Variants in MCC observed in about 807,000 individuals in gnomAD.
MCC encodes the protein MCC regulator of Wnt signaling pathway.
MCC carries 90 observed loss-of-function variants against 116.2 expected under a neutral mutation model. The ratio of observed to expected loss-of-function variants is 0.77; its 90% CI spans 0.65 to 0.92. The LOEUF (loss-of-function observed/expected upper bound fraction) is 0.92. MCC is among the 40% of genes least tolerant of loss of function. The pLI is 0.00. For synonymous variants in MCC, 578 were observed against 510.5 expected (o/e 1.13, Z -1.78); for missense variants, 1,516 against 1,312.2 (o/e 1.16, Z -2.40).
intron 3 of MCC, among the ~76,000 whole-genome samples, chr5:113,285,228 G>C (rs563319488): frequency 6.6e-6 from 1 of 152,102 alleles, no homozygotes; most frequent in Non-Finnish European, 1.5e-5. Flanking sequence ...GGCATCTGAC[G>C]ATGGATCACT....
At chr5:113,432,114 G>C (rs1053299570) in intron 1 of MCC, among the ~76,000 whole-genome samples, 1 of 151,366 alleles carries the variant, frequency 6.6e-6, no homozygotes, top group East Asian at 1.9e-4. Context: ...CCAGCCTGGA[G>C]ATAGAGCGAG....
intron 3 of MCC, among the ~76,000 whole-genome samples, chr5:113,271,508 G>C (rs998558986): frequency 6.6e-6 from 1 of 152,212 alleles, no homozygotes; most frequent in Non-Finnish European, 1.5e-5. Flanking sequence ...CTGATATCAA[G>C]ATCTGAAATA....
At chr5:113,231,931 A>C (rs1306804753) in intron 3 of MCC, among the ~76,000 whole-genome samples, 2 of 152,138 alleles carry the variant, frequency 1.3e-5, no homozygotes, top group Admixed American at 1.3e-4. Context: ...AGTTTTTACT[A>C]TATATCTGAC....
At chr5:113,180,284 T>A (rs1581211333) in intron 3 of MCC, among the ~76,000 whole-genome samples, 1 of 152,166 alleles carries the variant, frequency 6.6e-6, no homozygotes, top group East Asian at 1.9e-4. Context: ...TTCCAATTTA[T>A]AATAATAATC....
At chr5:113,155,062 G>T (rs1581169525) in intron 3 of MCC, among the ~76,000 whole-genome samples, 1 of 151,860 alleles carries the variant, frequency 6.6e-6, no homozygotes, top group Non-Finnish European at 1.5e-5. Flanking sequence ...CCCACCTCTG[G>T]TATCTATCAT....
At chr5:113,310,568 T>C (rs981827150) in intron 3 of MCC, among the ~76,000 whole-genome samples, 1 of 152,250 alleles carries the variant, frequency 6.6e-6, no homozygotes, top group Non-Finnish European at 1.5e-5. Flanking sequence ...ATTTTTTTCA[T>C]ATCTAAATTA....
At chr5:113,475,587 G>A (rs1050133165) in intron 1 of MCC, among the ~76,000 whole-genome samples, 3 of 152,156 alleles carry the variant, frequency 2.0e-5, no homozygotes, top group African/African-American at 7.2e-5. Flanking sequence ...CTAAGGAAAT[G>A]CCCTTTCTCT....
intron 3 of MCC, among the ~76,000 whole-genome samples, chr5:113,228,871 TGAA>T (rs1252418844): frequency 6.6e-6 from 1 of 152,072 alleles, no homozygotes; most frequent in South Asian, 2.1e-4. Flanking sequence ...CTGTGGGGTA[TGAA>T]GAAGAAGAAT....
At chr5:113,050,574 A>C (rs995002304) in intron 15 of MCC, among the ~76,000 whole-genome samples, 9 of 152,338 alleles carry the variant, frequency 5.9e-5, no homozygotes, top group East Asian at 3.9e-4. Flanking sequence ...CTTTACCCTA[A>C]ATATCAGACA....
chr5:113,309,720 C>A (rs919085364), intron 3 of MCC, among the ~76,000 whole-genome samples: 12 of 152,210 alleles, frequency 7.9e-5, no homozygotes, highest in African/African-American at 2.9e-4. Context: ...TATATAATGA[C>A]TTCTTTTTCT....
At chr5:113,209,266 C>T (rs1484869632) in intron 3 of MCC, among the ~76,000 whole-genome samples, 1 of 152,132 alleles carries the variant, frequency 6.6e-6, no homozygotes, top group Admixed American at 6.5e-5. Context: ...TTGTAAAAAC[C>T]AGACTTATTA....
At chr5:113,181,452 C>T (rs1761623836) in intron 3 of MCC, among the ~76,000 whole-genome samples, 1 of 152,116 alleles carries the variant, frequency 6.6e-6, no homozygotes, top group Non-Finnish European at 1.5e-5. Flanking sequence ...GTTATGAACT[C>T]CAAAGAGTTA....
intron 1 of MCC, among the ~76,000 whole-genome samples, chr5:113,386,595 C>T (rs1006024531): frequency 2.0e-5 from 3 of 152,058 alleles, no homozygotes; most frequent in African/African-American, 7.3e-5. Context: ...TAAAAGACTC[C>T]AAGACCTTTC....
At chr5:113,056,108 T>C (rs1752817485) in intron 14 of MCC, among the ~76,000 whole-genome samples, 1 of 152,208 alleles carries the variant, frequency 6.6e-6, no homozygotes, top group Non-Finnish European at 1.5e-5. Flanking sequence ...TGTCTCCATA[T>C]AGACCCACCT....
rs1491174512 is a variant in MCC at position 113,333,819 on chromosome 5, A to ATATATG, written c.627+6699_627+6700insCATATA. ...TATATATGTATATATGTATATATGTACATATATGTATATATGTATATATGT... is the reference window on the plus strand; with the variant it reads ...TATATATGTATATATGTATATATGTATATATGCATATATGTATATATGTATATATGT... On this transcript the variant is annotated intron_variant, in intron 3 of 18. Transcript: ENST00000408903. Among the ~76,000 whole-genome samples the ATATATG allele has an allele frequency of 2.5e-4, 27 of 106,014 alleles. 1 individual carries two copies. The highest frequency in any genetic ancestry group is 1.1e-3 in the African/African-American group (27 of 23,484). 69.5% of individuals were successfully genotyped at this position (106,014 alleles called of 152,430 possible).
At chr5:113,201,309 C>T (rs369170642) in intron 3 of MCC, among the ~76,000 whole-genome samples, 4 of 151,514 alleles carry the variant, frequency 2.6e-5, no homozygotes, top group African/African-American at 9.7e-5. Flanking sequence ...TTGCTTGAAC[C>T]CAGGAGGCAG....
At chr5:113,076,183 T>A (rs547097331) in intron 11 of MCC, among the ~76,000 whole-genome samples, 1 of 152,102 alleles carries the variant, frequency 6.6e-6, no homozygotes, top group Non-Finnish European at 1.5e-5. Flanking sequence ...CTACATCTGA[T>A]TGGTGGACCT....
intron 1 of MCC, among the ~76,000 whole-genome samples, chr5:113,395,930 C>G (rs1769515828): frequency 6.6e-6 from 1 of 152,138 alleles, no homozygotes; most frequent in South Asian, 2.1e-4. Context: ...AAGGCAGCAT[C>G]AGTATTTGTT....
At chr5:113,169,392 TCAAA>T (rs1197648701) in intron 3 of MCC, among the ~76,000 whole-genome samples, 7 of 152,082 alleles carry the variant, frequency 4.6e-5, no homozygotes, top group African/African-American at 1.7e-4. Flanking sequence ...CCCAAATGTG[TCAAA>T]GCCTTAATCT....
Sources: gnomAD v4.1 joint callset for allele counts (sites outside exome capture counted in the v4.1 genomes callset) on GRCh38, gnomAD v4.1.1 for gene constraint, MANE v1.5 for transcripts, NCBI Gene and HGNC (gene_info 2026-07-23, HGNC 2026-07-21) for gene names.